The following SLIT3 variants were observed in gnomAD, a reference collection of about 807,000 sequenced individuals.
SLIT3 encodes the protein slit guidance ligand 3, also known as slit homolog 3 protein.
In SLIT3, 68 loss-of-function variants were observed where a neutral mutation model predicts 184.0. That is an observed-to-expected ratio of 0.37 (90% CI 0.30 to 0.45). The LOEUF (loss-of-function observed/expected upper bound fraction) is 0.45, where lower values mean the gene tolerates loss of function less well. SLIT3 is among the 20% of genes least tolerant of loss of function. The probability of loss-of-function intolerance (pLI) is 1.00; values close to 1 mark genes in which losing one functional copy is unlikely to be tolerated. For synonymous variants in SLIT3, 831 were observed against 828.6 expected (o/e 1.00, Z -0.05); for missense variants, 1,707 against 2,026.0 (o/e 0.84, Z 3.02).
At chr5:168,876,970 G>A (rs536149296) in intron 5 of SLIT3, among the ~76,000 whole-genome samples, 3 of 151,980 alleles carry the variant, frequency 2.0e-5, no homozygotes, top group South Asian at 2.1e-4. Flanking sequence ...GGTATGTAAC[G>A]GGCCATCGGC....
chr5:169,109,747 A>G (rs925976409), intron 4 of SLIT3, among the ~76,000 whole-genome samples: 16 of 152,006 alleles, frequency 1.1e-4, no homozygotes, highest in Admixed American at 6.5e-4. Context: ...AAAGCTCCCT[A>G]TGTTTTCTCT....
At chr5:169,106,277 T>C (rs1760203459) in intron 4 of SLIT3, among the ~76,000 whole-genome samples, 1 of 152,048 alleles carries the variant, frequency 6.6e-6, no homozygotes, top group African/African-American at 2.4e-5. Flanking sequence ...CAAACAGGTG[T>C]GTTTGAGAAA....
At chr5:168,828,675 AAAG>A (rs1757782286) in intron 6 of SLIT3, among the ~76,000 whole-genome samples, 2 of 150,842 alleles carry the variant, frequency 1.3e-5, no homozygotes, top group Non-Finnish European at 3.0e-5. Flanking sequence ...AAAAAAGAAA[AAAG>A]AAAAAAAAAT....
intron 34 of SLIT3, among the ~76,000 whole-genome samples, chr5:168,670,245 C>G (rs760883844): frequency 7.2e-5 from 11 of 152,230 alleles, no homozygotes; most frequent in Non-Finnish European, 1.2e-4. Context: ...CTGATTTACA[C>G]ACACACCTCA....
chr5:168,761,342 C>G (rs951128210), intron 15 of SLIT3, among the ~76,000 whole-genome samples: 1 of 152,140 alleles, frequency 6.6e-6, no homozygotes, highest in Admixed American at 6.5e-5. Context: ...TTCCCTCTAC[C>G]AGGAGCAGCT....
In SLIT3 at chr5:168,666,118, A is replaced by AT. The variant is rs748731703; in HGVS notation, c.*335dup. ...TATTCTTATCCTTTTGTTTTAAAGCATTTTTATTAGTCTATTTTTTTCTTA... is the reference window on the plus strand; with the variant it reads ...TATTCTTATCCTTTTGTTTTAAAGCATTTTTTATTAGTCTATTTTTTTCTTA... On this transcript the variant is annotated 3_prime_UTR_variant, in exon 36 of 36. Coordinates refer to ENST00000519560, the MANE Select transcript of SLIT3 (RefSeq NM_003062.4). The AT allele has an allele frequency of 1.7e-5, 3 of 180,578 alleles. No individual in the cohort carries two copies. Among genetic ancestry groups the AT allele is most frequent in the Admixed American group, 6.1e-5 (1 of 16,288 alleles). The allele number at this position is 180,578 out of a possible 1,614,324, so 11.2% of individuals were successfully genotyped here.
At chr5:168,957,220 A>T (rs1762855023) in intron 4 of SLIT3, among the ~76,000 whole-genome samples, 1 of 131,640 alleles carries the variant, frequency 7.6e-6, no homozygotes, top group South Asian at 2.4e-4. Flanking sequence ...CAAGAGCAAA[A>T]GTCTGTCTCA....
intron 4 of SLIT3, among the ~76,000 whole-genome samples, chr5:169,072,717 G>A (rs1004837373): frequency 6.6e-6 from 1 of 152,224 alleles, no homozygotes; most frequent in Non-Finnish European, 1.5e-5. Context: ...ACGGAAGACA[G>A]AAGCCATACC....
At chr5:168,798,954 G>T (rs921976141) in intron 9 of SLIT3, among the ~76,000 whole-genome samples, 1 of 152,148 alleles carries the variant, frequency 6.6e-6, no homozygotes, top group Non-Finnish European at 1.5e-5. Context: ...GGTTGAGCTG[G>T]GTCTCAAAGC....
intron 27 of SLIT3, 91 bp from the exon 28 acceptor site, chr5:168,696,522 T>A: frequency 2.1e-6 from 3 of 1,462,580 alleles, no homozygotes; most frequent in Non-Finnish European, 2.8e-6. Flanking sequence ...GGGTGGGAAA[T>A]ACAATTAGTT....
chr5:169,130,412 T>C (rs1374514194), intron 4 of SLIT3, among the ~76,000 whole-genome samples: 1 of 152,228 alleles, frequency 6.6e-6, no homozygotes, highest in African/African-American at 2.4e-5. Context: ...GATGATCTGA[T>C]TCAAAACTCC....
intron 4 of SLIT3, among the ~76,000 whole-genome samples, chr5:169,002,477 G>A (rs1470921271): frequency 6.6e-6 from 1 of 152,072 alleles, no homozygotes. Flanking sequence ...AAATAGTGGA[G>A]ATGACATCAG....
At chr5:168,917,969 A>G (rs1761498149) in intron 4 of SLIT3, among the ~76,000 whole-genome samples, 1 of 152,194 alleles carries the variant, frequency 6.6e-6, no homozygotes, top group South Asian at 2.1e-4. Context: ...ATGGATTATC[A>G]TTTTGATTAC....
chr5:168,895,704 A>G (rs1760636493), intron 4 of SLIT3, among the ~76,000 whole-genome samples: 3 of 152,218 alleles, frequency 2.0e-5, no homozygotes, highest in Admixed American at 1.3e-4. Context: ...ATTCAAAGCA[A>G]TTACAGTTAT....
At chr5:168,939,462 A>C (rs1157953110) in intron 4 of SLIT3, among the ~76,000 whole-genome samples, 1 of 152,236 alleles carries the variant, frequency 6.6e-6, no homozygotes, top group Non-Finnish European at 1.5e-5. Flanking sequence ...AAGATGATCT[A>C]AGTAGATTCT....
chr5:168,710,484 C>A (rs1458666376), intron 25 of SLIT3, among the ~76,000 whole-genome samples: 2 of 152,064 alleles, frequency 1.3e-5, no homozygotes, highest in Non-Finnish European at 2.9e-5. Context: ...TTTCTCAAGG[C>A]CAGGTGCAGT....
At chr5:168,935,777 G>C (rs1296563565) in intron 4 of SLIT3, among the ~76,000 whole-genome samples, 1 of 152,162 alleles carries the variant, frequency 6.6e-6, no homozygotes, top group African/African-American at 2.4e-5. Context: ...AAGCTCTTAG[G>C]GCTCTGGAGA....
At chr5:169,057,564 C>G (rs1221774625) in intron 4 of SLIT3, among the ~76,000 whole-genome samples, 2 of 152,176 alleles carry the variant, frequency 1.3e-5, no homozygotes, top group Non-Finnish European at 2.9e-5. Context: ...GAGTCAGAGG[C>G]TCTACTAGGA....
At chr5:168,853,961 C>T (rs12516500) in intron 5 of SLIT3, among the ~76,000 whole-genome samples, 20,597 of 152,180 alleles carry the variant, frequency 0.14, 1,730 homozygotes, top group East Asian at 0.25. Flanking sequence ...CTGCTCTTTC[C>T]AAGCTCTCAG....
Sources: allele counts gnomAD v4.1 joint callset (sites outside exome capture counted in the v4.1 genomes callset), GRCh38; gene constraint gnomAD v4.1.1; transcripts MANE v1.5; gene names NCBI Gene and HGNC (gene_info 2026-07-23, HGNC 2026-07-21).